The following EXOC2 variants were observed in gnomAD, a reference collection of about 807,000 sequenced individuals.
EXOC2 encodes exocyst complex component 2, also known as SEC5-like 1.
A neutral mutation model predicts 131.8 loss-of-function variants in EXOC2; 70 were observed. That is an observed-to-expected ratio of 0.53 (90% CI 0.44 to 0.65). EXOC2 has a LOEUF of 0.65. Ranked by LOEUF, EXOC2 falls within the 30% of genes least tolerant of loss-of-function variation. The pLI is 0.00. For synonymous variants in EXOC2, 411 were observed against 398.4 expected (o/e 1.03, Z -0.38); for missense variants, 923 against 1,108.6 (o/e 0.83, Z 2.38).
rs746665613 is a variant in EXOC2 at position 507,133 on chromosome 6, CACAT to C, written c.2381-7437_2381-7434del. On this transcript the variant is annotated intron_variant, in intron 23 of 27. Coordinates refer to ENST00000230449, the MANE Select transcript of EXOC2 (RefSeq NM_018303.6). ...AGCAGTGACTACACACATACACACA[CACAT>C]ACACACACACACACAAGAAGTGACC... Among the ~76,000 whole-genome samples, 242 of 88,790 alleles carry C rather than the reference CACAT, an allele frequency of 2.7e-3. 8 individuals are homozygous for C. Among genetic ancestry groups the C allele is most frequent in the Non-Finnish European group, 4.3e-3 (195 of 45,190 alleles). 58.2% of individuals were successfully genotyped at this position (88,790 alleles called of 152,430 possible). A position where few individuals can be genotyped will look rare whatever the true frequency, so the allele number is the denominator to read the frequency against.
chr6:607,475 G>A (rs1449060862), intron 7 of EXOC2, among the ~76,000 whole-genome samples: 4 of 152,208 alleles, frequency 2.6e-5, no homozygotes, highest in African/African-American at 9.7e-5. Context: ...CTCCACAAGC[G>A]TGAGCTACGA....
intron 21 of EXOC2, 109 bp from the exon 22 acceptor site, chr6:549,400 C>T (rs944868815): frequency 1.3e-6 from 1 of 744,058 alleles, no homozygotes. Flanking sequence ...CGTCAATATC[C>T]AATGCTTTGC....
At chr6:640,308 G>A (rs1308689502) in intron 1 of EXOC2, among the ~76,000 whole-genome samples, 3 of 152,246 alleles carry the variant, frequency 2.0e-5, no homozygotes, top group African/African-American at 4.8e-5. Flanking sequence ...CTTCCTTAGC[G>A]CAGAATGTCA....
chr6:520,911 C>G (rs111530268), intron 23 of EXOC2, among the ~76,000 whole-genome samples: 1,912 of 97,126 alleles, frequency 0.02, 82 homozygotes, highest in African/African-American at 0.079. Flanking sequence ...CACACTCGGA[C>G]ATGAAAATCA....
intron 22 of EXOC2, among the ~76,000 whole-genome samples, chr6:546,646 CCTT>C (rs1233572899): frequency 6.6e-6 from 1 of 152,178 alleles, no homozygotes; most frequent in African/African-American, 2.4e-5. Context: ...AGGATGAAGA[CCTT>C]CATAATAATT....
chr6:674,113 T>G (rs1223864404), intron 1 of EXOC2, among the ~76,000 whole-genome samples: 1 of 152,224 alleles, frequency 6.6e-6, no homozygotes, highest in Admixed American at 6.5e-5. Flanking sequence ...TAACAAACTC[T>G]GAGCTAGAAA....
At chr6:580,792 T>C (rs1431465827) in intron 11 of EXOC2, among the ~76,000 whole-genome samples, 1 of 152,126 alleles carries the variant, frequency 6.6e-6, no homozygotes, top group African/African-American at 2.4e-5. Flanking sequence ...GACTCTATGA[T>C]TCAAAGTTTA....
At chr6:500,002 C>T (rs900530728) in intron 23 of EXOC2, among the ~76,000 whole-genome samples, 3 of 152,066 alleles carry the variant, frequency 2.0e-5, no homozygotes, top group Non-Finnish European at 2.9e-5. Context: ...AGTTTCTTCA[C>T]GCACACACAC....
At chr6:682,465 G>T (rs985152417) in intron 1 of EXOC2, among the ~76,000 whole-genome samples, 2 of 152,074 alleles carry the variant, frequency 1.3e-5, no homozygotes, top group African/African-American at 4.8e-5. Flanking sequence ...CTCTCAAAGT[G>T]CTGGGATTAC....
At chr6:495,348 T>C (rs1036301925) in intron 25 of EXOC2, among the ~76,000 whole-genome samples, 1 of 152,046 alleles carries the variant, frequency 6.6e-6, no homozygotes, top group African/African-American at 2.4e-5. Flanking sequence ...ATGGTCTCGA[T>C]CTCCTGACCT....
In EXOC2 at chr6:589,845, G is replaced by T. The variant is rs558335497; in HGVS notation, c.1192+2624C>A. On this transcript the variant is annotated intron_variant, in intron 11 of 27. Transcript: ENST00000230449. ...CCCCAGTGGACGCGTGGTAGCTCAC[G>T]CCTGTAATCCCAGCACTTTGGGAGG... 5.3e-4 allele frequency among the ~76,000 whole-genome samples: 81 copies of T among 152,336 alleles called. 1 individual carries two copies. The East Asian group carries it at 0.012, about 23-fold the overall frequency.
chr6:607,832 A>G (rs565270281), intron 7 of EXOC2, among the ~76,000 whole-genome samples: 1 of 152,380 alleles, frequency 6.6e-6, no homozygotes, highest in South Asian at 2.1e-4. Context: ...AGAAACACAT[A>G]TCATGAAAAC....
intron 1 of EXOC2, among the ~76,000 whole-genome samples, chr6:670,480 CTTTT>C (rs909282574): frequency 4.6e-5 from 7 of 150,704 alleles, no homozygotes; most frequent in Non-Finnish European, 1.0e-4. Flanking sequence ...GAACTCTTTA[CTTTT>C]TTTAATTTAA....
intron 1 of EXOC2, among the ~76,000 whole-genome samples, chr6:646,377 T>C (rs946279143): frequency 6.6e-6 from 1 of 152,080 alleles, no homozygotes; most frequent in Admixed American, 6.5e-5. Context: ...CTGGTGGGCG[T>C]GGTTAAAGGG....
intron 1 of EXOC2, among the ~76,000 whole-genome samples, chr6:648,019 C>T (rs1051337563): frequency 3.3e-5 from 5 of 152,138 alleles, no homozygotes; most frequent in African/African-American, 1.2e-4. Context: ...ATCGTATTTC[C>T]TTACCATGAA....
Position 579,252 on chromosome 6 carries a change from T to A in EXOC2, c.1193-2370A>T, listed in dbSNP as rs73376496. 5.7e-3 allele frequency among the ~76,000 whole-genome samples: 869 copies of A among 152,332 alleles called. 7 individuals are homozygous for A. Among genetic ancestry groups the A allele is most frequent in the African/African-American group, 0.019 (791 of 41,582 alleles). ...CTTTAAATTGTTTAATATTAAACCA[T>A]TTGTATAGTTTAAGTACATCCTGAG... On this transcript the variant is annotated intron_variant, in intron 11 of 27. Transcript: ENST00000230449.
intron 13 of EXOC2, among the ~76,000 whole-genome samples, chr6:566,152 C>T (rs752764444): frequency 6.6e-6 from 1 of 152,172 alleles, no homozygotes; most frequent in Non-Finnish European, 1.5e-5. Context: ...AATAATCATT[C>T]AAAAAGCTAG....
chr6:548,079 G>A (rs1464653951), intron 22 of EXOC2, among the ~76,000 whole-genome samples: 1 of 152,026 alleles, frequency 6.6e-6, no homozygotes, highest in Non-Finnish European at 1.5e-5. Context: ...TCTACAAATA[G>A]CCACTTTTTT....
At chr6:670,461 T>C (rs1481207822) in intron 1 of EXOC2, among the ~76,000 whole-genome samples, 1 of 152,164 alleles carries the variant, frequency 6.6e-6, no homozygotes, top group African/African-American at 2.4e-5. Context: ...TTCTCATTTT[T>C]GGTCTGAAGA....
Sources: gnomAD v4.1 joint callset for allele counts (sites outside exome capture counted in the v4.1 genomes callset) on GRCh38, gnomAD v4.1.1 for gene constraint, MANE v1.5 for transcripts, NCBI Gene and HGNC (gene_info 2026-07-23, HGNC 2026-07-21) for gene names.